SEC61G: variants seen among roughly 807,000 people sequenced by gnomAD.
SEC61G encodes the protein protein transport protein Sec61 subunit gamma.
Under a neutral mutation model 7.5 loss-of-function variants are expected in SEC61G, and 4 were observed. That is an observed-to-expected ratio of 0.54 (90% confidence interval 0.26 to 1.22). SEC61G has a LOEUF of 1.22. Among genes scored for constraint, SEC61G ranks in the 50% most tolerant of loss-of-function variants. The probability of loss-of-function intolerance (pLI) is 0.12; values close to 1 mark genes in which losing one functional copy is unlikely to be tolerated. For synonymous variants in SEC61G, 24 were observed against 24.4 expected (o/e 0.98, Z 0.05); for missense variants, 53 against 84.6 (o/e 0.63, Z 1.46).
chr7:54,753,707 A>G (rs80002424), intron 3 of SEC61G, among the ~76,000 whole-genome samples: 1 of 152,294 alleles, frequency 6.6e-6, no homozygotes, highest in East Asian at 1.9e-4. Context: ...TAGATTTTTT[A>G]ACTTCTTAAA....
At chr7:54,757,474 C>A in intron 2 of SEC61G, 21 bp downstream of exon 2, 2 of 1,585,602 alleles carry the variant, frequency 1.3e-6, no homozygotes, top group Middle Eastern at 1.7e-4. Flanking sequence ...TTAATTTTTT[C>A]TCTCATAGTC....
chr7:54,757,656 T>G (rs1791547232), intron 1 of SEC61G, 62 bp from the exon 2 acceptor site: 12 of 1,355,048 alleles, frequency 8.9e-6, no homozygotes, highest in Non-Finnish European at 1.3e-5. Flanking sequence ...ACTTGCTCAT[T>G]TATATAAAGA....
chr7:54,753,428 G>A (rs891777348), intron 3 of SEC61G, among the ~76,000 whole-genome samples: 6 of 151,894 alleles, frequency 4.0e-5, no homozygotes, highest in Admixed American at 2.6e-4. Context: ...TTCTAATACT[G>A]TGAATATTAA....
chr7:54,757,695 G>C, intron 1 of SEC61G, 101 bp from the exon 2 acceptor site: 2 of 836,764 alleles, frequency 2.4e-6, no homozygotes, highest in Non-Finnish European at 3.9e-6. Flanking sequence ...CTGAATTCAC[G>C]TCTAACATGG....
chr7:54,756,798 T>G (rs755213106), intron 2 of SEC61G, among the ~76,000 whole-genome samples: 4 of 152,040 alleles, frequency 2.6e-5, no homozygotes, highest in Non-Finnish European at 5.9e-5. Flanking sequence ...TCCATAATAC[T>G]TAACACAGCA....
rs1397664047 is a variant in SEC61G at position 54,752,353 on chromosome 7, C to T, written c.*58G>A. The T allele has an allele frequency of 3.9e-5, 49 of 1,261,748 alleles. No individual in the cohort carries two copies. The highest frequency in any genetic ancestry group is 5.1e-5 in the Non-Finnish European group (47 of 914,670). 78.2% of individuals were successfully genotyped at this position (1,261,748 alleles called of 1,614,324 possible). The stretch of plus-strand genomic sequence containing the variant: ...GCAAATTTGTATTCTGTGAGTTTCT[C>T]ACACCCTCACACTTGTTCACCAATC... On this transcript the variant is annotated 3_prime_UTR_variant, in exon 4 of 4. Coordinates refer to ENST00000352861, the MANE Select transcript of SEC61G (RefSeq NM_014302.4).
Position 54,752,471 on chromosome 7 carries a change from A to G in SEC61G, c.198-51T>C, listed in dbSNP as rs751383501. 5.0e-6 allele frequency: 6 copies of G among 1,205,348 alleles called. No individual in the cohort carries two copies. The East Asian group carries it at 1.3e-4, about 25-fold the overall frequency. The allele number at this position is 1,205,348 out of a possible 1,614,324, so 74.7% of individuals were successfully genotyped here. ...TTCTGAGCATAGATAAGATTTTAATAATTATTATTATTTGAAATGCAATAT... is the reference window on the plus strand; with the variant it reads ...TTCTGAGCATAGATAAGATTTTAATGATTATTATTATTTGAAATGCAATAT... On this transcript the variant is annotated intron_variant, in intron 3 of 3. Transcript: ENST00000352861.
intron 1 of SEC61G, among the ~76,000 whole-genome samples, 197 bp from the exon 2 acceptor site, chr7:54,757,791 A>C (rs1791549672): frequency 6.6e-6 from 1 of 152,250 alleles, no homozygotes; most frequent in South Asian, 2.1e-4. Flanking sequence ...TTAATTATCA[A>C]AGGCAATAAG....
Position 54,755,852 on chromosome 7 carries a change from T to C in SEC61G, c.124A>G (p.Ile42Val), listed in dbSNP as rs751542937. 1.7e-5 allele frequency: 27 copies of C among 1,590,428 alleles called. No individual in the cohort carries two copies. The highest frequency in any genetic ancestry group is 2.3e-5 in the Non-Finnish European group (27 of 1,167,044). Residue 42 changes from isoleucine to valine, a missense_variant, in exon 3 of 4, where the codon ATA becomes GTA. Coordinates refer to ENST00000352861, the MANE Select transcript of SEC61G (RefSeq NM_014302.4). ...EFQKIAMATA[I>V]GFAIMGFIGF... ...ATGAATCCCATTATAGCAAATCCTA[T>C]TGCTGTTGCCATGGCAATCTTCTGG...
chr7:54,752,396 T>G lies in SEC61G; in HGVS notation c.*15A>C. 1 of 1,533,992 alleles carries G rather than the reference T, an allele frequency of 6.5e-7. No homozygotes were observed. Among genetic ancestry groups the G allele is most frequent in the Non-Finnish European group, 8.9e-7 (1 of 1,127,318 alleles). ...CACCAATCTCTAAGATGAAAAACTC[T>G]CTTCCAAAATGTATTCAGCCACCAC... On this transcript the variant is annotated 3_prime_UTR_variant, in exon 4 of 4. Coordinates refer to ENST00000352861, the MANE Select transcript of SEC61G (RefSeq NM_014302.4).
At position 54,755,876 on chromosome 7, in the gene SEC61G, G is replaced by C. The variant is rs964944701; in HGVS notation, c.100C>G (p.Gln34Glu). Residue 34 changes from glutamine (Q) to glutamate (E), a missense_variant, in exon 3 of 4, where the codon CAG (glutamine) becomes GAG (glutamate). By Grantham distance (29) the Gln-to-Glu change is conservative (BLOSUM62 2). Transcript: ENST00000352861. ...RCTKPDRKEFQKIAMATAIGF... is the reference protein window; with the variant it reads ...RCTKPDRKEFEKIAMATAIGF... ...ATTGCTGTTGCCATGGCAATCTTCT[G>C]GAATTCTGCATTTAAAAACAGGAAA... 3 of 1,565,852 alleles carry C rather than the reference G, an allele frequency of 1.9e-6. No homozygotes were observed. The highest frequency in any genetic ancestry group is 1.8e-5 in the Admixed American group (1 of 54,224).
chr7:54,758,802 T>A (rs1236108980), intron 1 of SEC61G, among the ~76,000 whole-genome samples: 1 of 152,104 alleles, frequency 6.6e-6, no homozygotes, highest in Non-Finnish European at 1.5e-5. Context: ...GTACAGCTCT[T>A]CCCAGACAGG....
chr7:54,754,186 G>A (rs1473126925), intron 3 of SEC61G, among the ~76,000 whole-genome samples: 2 of 152,168 alleles, frequency 1.3e-5, no homozygotes, highest in African/African-American at 4.8e-5. Flanking sequence ...AAAGGTGCTT[G>A]TATACCAAAA....
intron 3 of SEC61G, among the ~76,000 whole-genome samples, chr7:54,753,100 G>T (rs1365429865): frequency 6.6e-6 from 1 of 151,892 alleles, no homozygotes; most frequent in African/African-American, 2.4e-5. Context: ...GACCACCCTG[G>T]CCAACATGGT....
chr7:54,754,039 T>C (rs946634016), intron 3 of SEC61G, among the ~76,000 whole-genome samples: 8 of 152,058 alleles, frequency 5.3e-5, no homozygotes, highest in Admixed American at 5.2e-4. Flanking sequence ...ACATACAATA[T>C]AAATAACAAG....
chr7:54,756,928 T>C (rs1334537129), intron 2 of SEC61G, among the ~76,000 whole-genome samples: 2 of 148,014 alleles, frequency 1.4e-5, no homozygotes, highest in African/African-American at 2.5e-5. Context: ...ATATACTATA[T>C]TATATACTAT....
intron 2 of SEC61G, among the ~76,000 whole-genome samples, chr7:54,756,988 CTAT>C (rs973567964): frequency 7.2e-6 from 1 of 137,946 alleles, no homozygotes; most frequent in Non-Finnish European, 1.6e-5. Flanking sequence ...ATACTATATA[CTAT>C]ATTATATACT....
At chr7:54,757,419 TAATC>T (rs1268720998) in intron 2 of SEC61G, 72 bp downstream of exon 2, 1 of 1,150,938 alleles carries the variant, frequency 8.7e-7, no homozygotes, top group East Asian at 2.4e-5. Context: ...CAAGGGCTAT[TAATC>T]AAGATGTTAA....
At chr7:54,753,622 AGAGT>A (rs906353683) in intron 3 of SEC61G, among the ~76,000 whole-genome samples, 6 of 152,226 alleles carry the variant, frequency 3.9e-5, no homozygotes, top group African/African-American at 1.4e-4. Flanking sequence ...ACATGAGAAA[AGAGT>A]AAGTTTTCTG....
Sources: allele counts gnomAD v4.1 joint callset (sites outside exome capture counted in the v4.1 genomes callset), GRCh38; gene constraint gnomAD v4.1.1; transcripts MANE v1.5; gene names NCBI Gene and HGNC (gene_info 2026-07-23, HGNC 2026-07-21).